Variants in EEFSEC observed in about 807,000 individuals in gnomAD.
EEFSEC encodes eukaryotic elongation factor, selenocysteine-tRNA specific.
A neutral mutation model predicts 42.1 loss-of-function variants in EEFSEC; 43 were observed. The ratio of observed to expected loss-of-function variants is 1.02; its 90% CI spans 0.80 to 1.32. EEFSEC has a LOEUF of 1.32. EEFSEC is among the 40% of genes most tolerant of loss of function. The pLI is 0.00. For missense variants in EEFSEC, 745 were observed against 803.6 expected (o/e 0.93, Z 0.88); for synonymous variants, 354 against 339.1 (o/e 1.04, Z -0.48).
At chr3:128,391,006 C>T (rs1338224350) in intron 6 of EEFSEC, among the ~76,000 whole-genome samples, 2 of 152,222 alleles carry the variant, frequency 1.3e-5, no homozygotes, top group South Asian at 2.1e-4. Flanking sequence ...TTGACACTCC[C>T]CTCTCCCGAG....
At chr3:128,299,154 C>T (rs1576619136) in intron 4 of EEFSEC, among the ~76,000 whole-genome samples, 1 of 152,248 alleles carries the variant, frequency 6.6e-6, no homozygotes, top group Non-Finnish European at 1.5e-5. Flanking sequence ...TACTGTTTTC[C>T]ATAGGAGCCG....
chr3:128,340,093 C>T (rs193032731), intron 4 of EEFSEC, among the ~76,000 whole-genome samples: 13 of 152,288 alleles, frequency 8.5e-5, no homozygotes, highest in Admixed American at 4.6e-4. Context: ...TGCTGTCTCC[C>T]TCCCCACCCT....
intron 4 of EEFSEC, among the ~76,000 whole-genome samples, chr3:128,333,695 CCTA>C (rs1399177431): frequency 2.0e-5 from 3 of 152,254 alleles, no homozygotes; most frequent in African/African-American, 4.8e-5. Context: ...CAGTTGAGTG[CCTA>C]CTATTTCATG....
Position 128,341,696 on chromosome 3 carries a change from A to G in EEFSEC, c.1250A>G (p.Glu417Gly). The G allele has an allele frequency of 1.2e-6, 2 of 1,614,112 alleles. No individual in the cohort carries two copies. The highest frequency in any genetic ancestry group is 1.7e-6 in the Non-Finnish European group (2 of 1,180,032). Residue 417 changes from glutamate (E) to glycine (G), a missense_variant, in exon 5 of 7, where the codon GAG (glutamate) becomes GGG (glycine). Transcript: ENST00000254730. ...CAGCAGTGGGCCCTGGTGGAGTTTG[A>G]GAAGCCCGTCACCTGCCCTCGGCTG... ...PRQQWALVEF[E>G]KPVTCPRLCL...
intron 4 of EEFSEC, among the ~76,000 whole-genome samples, chr3:128,335,481 A>G (rs2067180235): frequency 6.6e-6 from 1 of 152,230 alleles, no homozygotes; most frequent in Non-Finnish European, 1.5e-5. Flanking sequence ...TGCCTGGCAC[A>G]TTCAGGGAAT....
rs2107565113 is a variant in EEFSEC, at chr3:128,341,787, T to C, written c.1341T>C (p.His447=). ...IHTNTCRLAF[H]GILLHGLEDR... ...CCAACACGTGCCGGCTAGCCTTCCA[T>C]GGCATCCTGCTCCACGGGCTAGAGG... Residue 447 remains histidine (H), a synonymous_variant, in exon 5 of 7, where the codon CAT becomes CAC. Transcript: ENST00000254730. The C allele has an allele frequency of 6.2e-7, 1 of 1,614,124 alleles. No individual in the cohort carries two copies. Among genetic ancestry groups the C allele is most frequent in the Non-Finnish European group, 8.5e-7 (1 of 1,180,042 alleles).
intron 5 of EEFSEC, among the ~76,000 whole-genome samples, chr3:128,350,595 T>G (rs978505017): frequency 6.6e-6 from 1 of 152,246 alleles, no homozygotes; most frequent in Non-Finnish European, 1.5e-5. Context: ...AGTATCAGGC[T>G]GTGATAGCTA....
chr3:128,235,495 T>TA (rs1349198711), intron 1 of EEFSEC, among the ~76,000 whole-genome samples: 2 of 152,192 alleles, frequency 1.3e-5, no homozygotes, highest in Admixed American at 6.5e-5. Flanking sequence ...CCTGCTTACC[T>TA]AGTTTACTTC....
intron 1 of EEFSEC, among the ~76,000 whole-genome samples, chr3:128,184,400 C>T (rs2065443617): frequency 6.6e-6 from 1 of 152,190 alleles, no homozygotes; most frequent in Non-Finnish European, 1.5e-5. Context: ...GTGACTTGGA[C>T]TACTAAGTGG....
chr3:128,295,791 T>A (rs2066699335), intron 4 of EEFSEC, among the ~76,000 whole-genome samples: 1 of 151,800 alleles, frequency 6.6e-6, no homozygotes, highest in South Asian at 2.1e-4. Flanking sequence ...TATGTGAGGG[T>A]CTCAGTGGGG....
intron 6 of EEFSEC, among the ~76,000 whole-genome samples, chr3:128,376,327 G>A (rs2067709610): frequency 6.6e-6 from 1 of 152,226 alleles, no homozygotes; most frequent in Non-Finnish European, 1.5e-5. Flanking sequence ...AATGCCCACT[G>A]TGCTTGGGCT....
chr3:128,358,549 T>C (rs2067486797), intron 6 of EEFSEC, among the ~76,000 whole-genome samples, 176 bp downstream of exon 6: 1 of 152,186 alleles, frequency 6.6e-6, no homozygotes, highest in African/African-American at 2.4e-5. Flanking sequence ...CAGTATGGGT[T>C]CTGGGAAGAG....
At chr3:128,420,345 C>A in the EEFSEC span, among the ~76,000 whole-genome samples, 1 of 152,250 alleles carries the variant, frequency 6.6e-6, no homozygotes, top group Admixed American at 6.5e-5. Context: ...AATTTCCTTC[C>A]TCACTGCACA....
intron 1 of EEFSEC, among the ~76,000 whole-genome samples, chr3:128,183,248 G>T (rs2811480): frequency 0.29 from 43,676 of 151,976 alleles, 6,462 homozygotes; most frequent in South Asian, 0.37. Flanking sequence ...TTAACCTGTG[G>T]TAATCTGATT....
intron 1 of EEFSEC, among the ~76,000 whole-genome samples, chr3:128,183,072 T>C (rs2065428885): frequency 6.6e-6 from 1 of 152,230 alleles, no homozygotes; most frequent in Non-Finnish European, 1.5e-5. Context: ...TTTGTCAACT[T>C]ATTTAACCTT....
intron 2 of EEFSEC, 43 bp downstream of exon 2, chr3:128,247,086 T>C (rs1327843345): frequency 6.3e-7 from 1 of 1,589,428 alleles, no homozygotes; most frequent in Middle Eastern, 1.7e-4. Context: ...ATAAGAAGGC[T>C]TCTGGGGCCT....
chr3:128,274,517 G>C (rs1261103130), intron 4 of EEFSEC, among the ~76,000 whole-genome samples: 1 of 152,178 alleles, frequency 6.6e-6, no homozygotes, highest in Admixed American at 6.5e-5. Flanking sequence ...GACATCCCCT[G>C]TAGAAGCCAC....
At chr3:128,275,720 A>G (rs562351184) in intron 4 of EEFSEC, among the ~76,000 whole-genome samples, 30 of 152,240 alleles carry the variant, frequency 2.0e-4, no homozygotes, top group Non-Finnish European at 3.8e-4. Flanking sequence ...GAGCAGAAGG[A>G]ACAGTATGTG....
chr3:128,371,783 C>T (rs2067656815), intron 6 of EEFSEC, among the ~76,000 whole-genome samples: 1 of 152,240 alleles, frequency 6.6e-6, no homozygotes, highest in Non-Finnish European at 1.5e-5. Flanking sequence ...CCCAGAGTCC[C>T]AGCCCCATGG....
Sources: allele counts gnomAD v4.1 joint callset (sites outside exome capture counted in the v4.1 genomes callset), GRCh38; gene constraint gnomAD v4.1.1; transcripts MANE v1.5; gene names NCBI Gene and HGNC (gene_info 2026-07-23, HGNC 2026-07-21).